RGS6: variants seen among roughly 807,000 people sequenced by gnomAD.
The protein encoded by RGS6 is regulator of G protein signaling 6.
In RGS6, 30 loss-of-function variants were observed where a neutral mutation model predicts 78.5. The observed-to-expected ratio is 0.38, with a 90% CI of 0.29 to 0.52. RGS6 has a LOEUF of 0.52. Among genes scored for constraint, RGS6 ranks in the 20% least tolerant of loss-of-function variants. The pLI is 0.85. For synonymous variants in RGS6, 206 were observed against 206.0 expected (o/e 1.00, Z 0.00); for missense variants, 495 against 609.7 (o/e 0.81, Z 1.98).
chr14:72,451,455 G>A (rs185855886), intron 3 of RGS6, among the ~76,000 whole-genome samples: 4 of 152,324 alleles, frequency 2.6e-5, no homozygotes, highest in Admixed American at 2.0e-4. Flanking sequence ...AGCCAAAAGC[G>A]GGTGGAAACC....
At chr14:72,327,516 T>A (rs1354635471) in intron 2 of RGS6, among the ~76,000 whole-genome samples, 1 of 152,248 alleles carries the variant, frequency 6.6e-6, no homozygotes, top group Non-Finnish European at 1.5e-5. Context: ...GGTTTAAACA[T>A]CTGGCTTCCT....
At chr14:71,948,189 C>T (rs2091812385) in intron 1 of RGS6, among the ~76,000 whole-genome samples, 1 of 150,518 alleles carries the variant, frequency 6.6e-6, no homozygotes, top group Non-Finnish European at 1.5e-5. Flanking sequence ...TATTTCTACC[C>T]TCACATCTTT....
At chr14:72,094,819 A>G (rs186108726) in intron 2 of RGS6, among the ~76,000 whole-genome samples, 21 of 152,332 alleles carry the variant, frequency 1.4e-4, no homozygotes, top group African/African-American at 4.6e-4. Flanking sequence ...TAAATGCTAA[A>G]GCAAAGCTGA....
In RGS6 at chr14:72,420,819, T is replaced by G. The variant is rs8003581; in HGVS notation, c.185-33709T>G. 4.6e-5 allele frequency among the ~76,000 whole-genome samples: 7 copies of G among 152,118 alleles called. No individual in the cohort carries two copies. The East Asian group carries it at 1.4e-3, about 29-fold the overall frequency. On this transcript the variant is annotated intron_variant, in intron 3 of 17. Transcript: ENST00000553525. The stretch of plus-strand genomic sequence containing the variant: ...AAATTAAGCAGTATTCAGAACGCCA[T>G]TGATTATTAATTTAAAAGAAATCAA...
intron 3 of RGS6, among the ~76,000 whole-genome samples, chr14:72,441,378 G>A (rs2095193694): frequency 6.6e-6 from 1 of 152,196 alleles, no homozygotes; most frequent in Admixed American, 6.5e-5. Context: ...CACCAGTCCT[G>A]CAAAGCCAGG....
At chr14:72,072,433 T>C (rs2094440734) in intron 2 of RGS6, among the ~76,000 whole-genome samples, 8 of 152,072 alleles carry the variant, frequency 5.3e-5, no homozygotes, top group Admixed American at 5.2e-4. Flanking sequence ...CTCAGCCTTC[T>C]GAGTGCTGGG....
intron 2 of RGS6, among the ~76,000 whole-genome samples, chr14:72,181,221 G>C (rs1322126688): frequency 6.6e-6 from 1 of 152,178 alleles, no homozygotes. Context: ...TGGGGAATGG[G>C]ATTTTCCATC....
intron 2 of RGS6, among the ~76,000 whole-genome samples, chr14:72,048,864 C>A (rs942370710): frequency 1.3e-5 from 2 of 152,162 alleles, no homozygotes; most frequent in East Asian, 3.9e-4. Flanking sequence ...ATAACAAAAA[C>A]CTCTATAATC....
chr14:72,386,696 G>A (rs558340563), intron 3 of RGS6, among the ~76,000 whole-genome samples: 8 of 152,080 alleles, frequency 5.3e-5, no homozygotes, highest in East Asian at 1.9e-4. Flanking sequence ...TCCCTATCCC[G>A]TGCTCCACTG....
chr14:72,174,003 C>T (rs961264667), intron 2 of RGS6, among the ~76,000 whole-genome samples: 28 of 152,184 alleles, frequency 1.8e-4, no homozygotes, highest in African/African-American at 6.5e-4. Flanking sequence ...TTTCCTGCTC[C>T]GAGTATGCGG....
rs562029951 is a variant in RGS6 at position 72,154,494 on chromosome 14, C to T, written c.84+189619C>T. Among the ~76,000 whole-genome samples, 82 of 151,490 alleles carry T rather than the reference C, an allele frequency of 5.4e-4. 2 individuals carry two copies. In the South Asian group the frequency reaches 9.2e-3, roughly 17 times the overall value. On this transcript the variant is annotated intron_variant, in intron 2 of 17. Transcript: ENST00000553525. ...TATGTTCCTCTGCTGTGGCTCCAGCCAGTCCCTCTGTTTGGGGGGGGTCCC... is the reference window on the plus strand; with the variant it reads ...TATGTTCCTCTGCTGTGGCTCCAGCTAGTCCCTCTGTTTGGGGGGGGTCCC...
chr14:72,414,508 G>A (rs180671943), intron 3 of RGS6, among the ~76,000 whole-genome samples: 9 of 152,142 alleles, frequency 5.9e-5, no homozygotes, highest in South Asian at 4.2e-4. Flanking sequence ...CCATTGGTTC[G>A]AACTTCCTCC....
In RGS6 at chr14:72,397,168, A is replaced by T. The variant is rs146209132; in HGVS notation, c.184+44974A>T. Among the ~76,000 whole-genome samples, 504 of 152,242 alleles carry T rather than the reference A, an allele frequency of 3.3e-3. 1 individual carries two copies. The highest frequency in any genetic ancestry group is 0.012 in the African/African-American group (478 of 41,554). ...TACCTTGGCCATTTTCACGATATCG[A>T]TTCTTCCTAGCCTTGAGCATGGAAT... On this transcript the variant is annotated intron_variant, in intron 3 of 17. Transcript: ENST00000553525.
intron 1 of RGS6, among the ~76,000 whole-genome samples, chr14:71,949,780 A>ATTT (rs3053024): frequency 0.014 from 1,773 of 128,870 alleles, 26 homozygotes; most frequent in African/African-American, 0.04. Context: ...TAGAAGCTCT[A>ATTT]TTTTTTTTTT....
In RGS6 at chr14:71,941,885, C is replaced by T. The variant is rs577875976; in HGVS notation, c.-21+8944C>T. Among the ~76,000 whole-genome samples the T allele has an allele frequency of 1.1e-4, 16 of 152,252 alleles. No individual in the cohort carries two copies. In the South Asian group the frequency reaches 3.3e-3, roughly 32 times the overall value. On this transcript the variant is annotated intron_variant, in intron 1 of 17. Coordinates refer to ENST00000553525, the MANE Select transcript of RGS6 (RefSeq NM_001204424.2). ...TCAGTATTAACCATCACAGTAAGCT[C>T]CTTACAGGCCAAAATGCCTGTTTGA...
chr14:71,884,967 C>T, the RGS6 span, among the ~76,000 whole-genome samples: 4 of 152,154 alleles, frequency 2.6e-5, no homozygotes, highest in African/African-American at 9.7e-5. Flanking sequence ...CTGAATGCCT[C>T]ATTTGCCTCA....
chr14:72,096,408 C>A (rs914643117), intron 2 of RGS6, among the ~76,000 whole-genome samples: 14 of 152,010 alleles, frequency 9.2e-5, no homozygotes, highest in East Asian at 1.9e-4. Context: ...GAACAGGAGC[C>A]CAAAGATAAT....
At chr14:72,308,674 A>C (rs950742010) in intron 2 of RGS6, among the ~76,000 whole-genome samples, 3 of 152,246 alleles carry the variant, frequency 2.0e-5, no homozygotes, top group Non-Finnish European at 4.4e-5. Flanking sequence ...ATAAAAATGC[A>C]GGATTCTCAT....
chr14:72,263,465 T>TC (rs1195302433), intron 2 of RGS6, among the ~76,000 whole-genome samples: 1 of 151,874 alleles, frequency 6.6e-6, no homozygotes, highest in Non-Finnish European at 1.5e-5. Flanking sequence ...TCCTCCAACC[T>TC]CCCCCTTCTC....
Sources: gnomAD v4.1 joint callset for allele counts (sites outside exome capture counted in the v4.1 genomes callset) on GRCh38, gnomAD v4.1.1 for gene constraint, MANE v1.5 for transcripts, NCBI Gene and HGNC (gene_info 2026-07-23, HGNC 2026-07-21) for gene names.